The following DAPL1 variants were observed in gnomAD, a reference collection of about 807,000 sequenced individuals.
DAPL1 encodes death-associated protein-like 1.
Under a neutral mutation model 12.9 loss-of-function variants are expected in DAPL1, and 17 were observed. The ratio of observed to expected loss-of-function variants is 1.32; its 90% CI spans 0.90 to 1.98. The LOEUF is 1.98. DAPL1 is among the 30% of genes most tolerant of loss of function. The pLI is 0.00. For missense variants in DAPL1, 157 were observed against 125.7 expected (o/e 1.25, Z -1.19); for synonymous variants, 51 against 42.0 (o/e 1.21, Z -0.82).
chr2:158,814,383 G>A (rs886398442), intron 3 of DAPL1, among the ~76,000 whole-genome samples: 9 of 151,928 alleles, frequency 5.9e-5, no homozygotes, highest in African/African-American at 1.9e-4. Flanking sequence ...CTAGAATGTT[G>A]GCAGAGATAA....
intron 2 of DAPL1, among the ~76,000 whole-genome samples, chr2:158,806,382 G>A (rs1195724571): frequency 4.6e-5 from 7 of 152,124 alleles, no homozygotes; most frequent in East Asian, 1.9e-4. Flanking sequence ...TTCATTTTAC[G>A]AAGCACAAAA....
chr2:158,811,721 G>A (rs539155446), intron 3 of DAPL1, among the ~76,000 whole-genome samples: 8 of 152,138 alleles, frequency 5.3e-5, no homozygotes, highest in Non-Finnish European at 1.0e-4. Context: ...CTCTCGTGGG[G>A]TTACCCTAGA....
At chr2:158,799,958 G>A (rs553702134) in intron 1 of DAPL1, among the ~76,000 whole-genome samples, 40 of 151,874 alleles carry the variant, frequency 2.6e-4, no homozygotes, top group African/African-American at 9.4e-4. Flanking sequence ...CAGCTACTCG[G>A]GAGGCTGAGG....
intron 1 of DAPL1, among the ~76,000 whole-genome samples, 183 bp downstream of exon 1, chr2:158,795,613 G>A (rs999375625): frequency 1.3e-5 from 2 of 152,128 alleles, no homozygotes; most frequent in African/African-American, 4.8e-5. Context: ...ATCCACCCGG[G>A]GATTTGTCAG....
At chr2:158,803,485 T>TAGCTCAAA (rs1559043023) in intron 1 of DAPL1, among the ~76,000 whole-genome samples, 10 of 152,238 alleles carry the variant, frequency 6.6e-5, no homozygotes, top group African/African-American at 1.9e-4. Context: ...TTTTTCTCAT[T>TAGCTCAAA]TGAGCTTGTC....
chr2:158,811,422 T>C (rs996875537), intron 3 of DAPL1, among the ~76,000 whole-genome samples: 1 of 152,198 alleles, frequency 6.6e-6, no homozygotes, highest in Non-Finnish European at 1.5e-5. Context: ...ATGAAAGTGC[T>C]GCCAGTCTGC....
intron 2 of DAPL1, 144 bp from the exon 3 acceptor site, chr2:158,806,911 C>T (rs2059205579): frequency 1.8e-6 from 1 of 555,806 alleles, no homozygotes; most frequent in African/African-American, 1.9e-5. Context: ...CATAGGTACA[C>T]AGAGGCAAAA....
intron 1 of DAPL1, among the ~76,000 whole-genome samples, chr2:158,801,488 A>G (rs989881064): frequency 2.0e-5 from 3 of 152,202 alleles, no homozygotes; most frequent in Admixed American, 1.3e-4. Context: ...TTCCATGGCT[A>G]TTCAGAAATG....
intron 2 of DAPL1, 26 bp from the exon 3 acceptor site, chr2:158,807,029 T>C: frequency 6.2e-7 from 1 of 1,607,118 alleles, no homozygotes; most frequent in Middle Eastern, 1.7e-4. Context: ...TTAAGTCCTG[T>C]TCAAAGTTTC....
chr2:158,806,721 A>G lies in DAPL1; in HGVS notation c.147-334A>G, dbSNP rs866155499. On this transcript the variant is annotated intron_variant, in intron 2 of 3. Coordinates refer to ENST00000309950, the MANE Select transcript of DAPL1 (RefSeq NM_001017920.3). ...CATGGTGGTGCATGCCTGTAATCCC[A>G]GCTACTTGGGAGGCTGAGGCAGAAG... 5.3e-5 allele frequency among the ~76,000 whole-genome samples: 8 copies of G among 152,112 alleles called. No homozygotes were observed. In the Middle Eastern group the frequency reaches 0.01, roughly 194 times the overall value.
At chr2:158,815,668 C>T (rs1262041468) in intron 3 of DAPL1, 37 bp from the exon 4 acceptor site, 1 of 1,247,694 alleles carries the variant, frequency 8.0e-7, no homozygotes, top group Non-Finnish European at 1.2e-6. Context: ...CCAAGAAGAT[C>T]CAATATGCCT....
Position 158,795,402 on chromosome 2 carries a change from C to G in DAPL1, c.30C>G (p.Ser10=). 6.4e-7 allele frequency: 1 copy of G among 1,555,954 alleles called. No homozygotes were observed. Among genetic ancestry groups the G allele is most frequent in the Non-Finnish European group, 8.7e-7 (1 of 1,149,404 alleles). Residue 10 remains serine, a synonymous_variant, in exon 1 of 4, where the codon TCC becomes TCG. Coordinates refer to ENST00000309950, the MANE Select transcript of DAPL1 (RefSeq NM_001017920.3). MANEVQDLL[S]PRKGGHPPAV... ...CAAATGAAGTGCAAGACCTGCTCTC[C>G]CCTCGGAAAGGGGGACATCCTCCTG...
chr2:158,805,554 C>T (rs1160974287), intron 2 of DAPL1, among the ~76,000 whole-genome samples: 1 of 149,448 alleles, frequency 6.7e-6, no homozygotes, highest in Non-Finnish European at 1.5e-5. Context: ...CAAGCATGTG[C>T]CCTGCTTATT....
At chr2:158,808,543 A>G (rs1242153253) in intron 3 of DAPL1, among the ~76,000 whole-genome samples, 1 of 152,196 alleles carries the variant, frequency 6.6e-6, no homozygotes, top group African/African-American at 2.4e-5. Context: ...GGTAGATTGC[A>G]CAAGGTAAGA....
At chr2:158,806,026 A>G (rs2059199065) in intron 2 of DAPL1, among the ~76,000 whole-genome samples, 1 of 148,490 alleles carries the variant, frequency 6.7e-6, no homozygotes, top group African/African-American at 2.4e-5. Flanking sequence ...AAATATCATT[A>G]GCTCCACATA....
At chr2:158,798,506 G>T (rs1005314897) in intron 1 of DAPL1, among the ~76,000 whole-genome samples, 1 of 152,174 alleles carries the variant, frequency 6.6e-6, no homozygotes, top group Non-Finnish European at 1.5e-5. Context: ...GCTGCCATTC[G>T]CTCAATGCTG....
chr2:158,813,440 G>A (rs749360269), intron 3 of DAPL1, among the ~76,000 whole-genome samples: 5 of 152,070 alleles, frequency 3.3e-5, no homozygotes, highest in Non-Finnish European at 7.4e-5. Context: ...ATGCCCAAAC[G>A]ATGTAGCCTC....
chr2:158,813,609 G>T lies in DAPL1; in HGVS notation c.208-2096G>T, dbSNP rs530114598. ...CTTGCTCTGTCGCCCAGGCTGGAGTGCAGTGACCCGATCTCGGCTCACTGC... is the reference window on the plus strand; with the variant it reads ...CTTGCTCTGTCGCCCAGGCTGGAGTTCAGTGACCCGATCTCGGCTCACTGC... On this transcript the variant is annotated intron_variant, in intron 3 of 3. Transcript: ENST00000309950. 3.5e-5 allele frequency among the ~76,000 whole-genome samples: 5 copies of T among 144,324 alleles called. No individual in the cohort carries two copies. The South Asian group carries it at 1.1e-3, about 32-fold the overall frequency. 94.7% of individuals were successfully genotyped at this position (144,324 alleles called of 152,430 possible). A position where few individuals can be genotyped will look rare whatever the true frequency, so the allele number is the denominator to read the frequency against.
At chr2:158,799,837 T>C (rs2059156978) in intron 1 of DAPL1, among the ~76,000 whole-genome samples, 4 of 152,160 alleles carry the variant, frequency 2.6e-5, no homozygotes, top group African/African-American at 2.4e-5. Context: ...GGAATCTTTA[T>C]GGGGAGGACT....
Sources: allele counts gnomAD v4.1 joint callset (sites outside exome capture counted in the v4.1 genomes callset), GRCh38; gene constraint gnomAD v4.1.1; transcripts MANE v1.5; gene names NCBI Gene and HGNC (gene_info 2026-07-23, HGNC 2026-07-21).